Variants in SPG11 observed in about 807,000 individuals in gnomAD.
The protein encoded by SPG11 is spatacsin.
A neutral mutation model predicts 274.0 loss-of-function variants in SPG11; 222 were observed. That is an observed-to-expected ratio of 0.81 (90% CI 0.73 to 0.91). The LOEUF is 0.91. Ranked by LOEUF, SPG11 falls within the 40% of genes least tolerant of loss-of-function variation. The pLI is 0.00. For missense variants in SPG11, 3,114 were observed against 2,872.7 expected, an observed-to-expected ratio of 1.08 and a Z score of -1.92; for synonymous variants, 1,144 against 1,039.7, an observed-to-expected ratio of 1.10 and a Z score of -1.93.
intron 20 of SPG11, among the ~76,000 whole-genome samples, chr15:44,602,463 T>A (rs1463718637): frequency 1.3e-5 from 2 of 151,978 alleles, no homozygotes; most frequent in Non-Finnish European, 2.9e-5. Context: ...CATCTATTGA[T>A]ATGATCATAT....
At chr15:44,587,758 G>A (rs922183445) in intron 28 of SPG11, among the ~76,000 whole-genome samples, 6 of 140,290 alleles carry the variant, frequency 4.3e-5, no homozygotes, top group African/African-American at 8.2e-5. Context: ...TGTTAAATAC[G>A]CACACATAGT....
chr15:44,632,638 T>C (rs1233662441), intron 8 of SPG11, among the ~76,000 whole-genome samples: 1 of 151,986 alleles, frequency 6.6e-6, no homozygotes, highest in Non-Finnish European at 1.5e-5. Flanking sequence ...GCCTTCCAAG[T>C]AGTTGGGACT....
chr15:44,586,197 C>A (rs1157347882), intron 28 of SPG11, among the ~76,000 whole-genome samples: 2 of 151,724 alleles, frequency 1.3e-5, no homozygotes, highest in Non-Finnish European at 2.9e-5. Context: ...GTTGTCCAGG[C>A]TGCTCTCGAC....
chr15:44,591,783 G>A (rs2082904588), intron 27 of SPG11, among the ~76,000 whole-genome samples: 1 of 151,942 alleles, frequency 6.6e-6, no homozygotes, highest in African/African-American at 2.4e-5. Context: ...AACCAGCCTG[G>A]GCAACAAAGC....
At chr15:44,652,315 CA>C (rs1279723056) in intron 4 of SPG11, 49 bp from the exon 5 acceptor site, 2 of 1,599,630 alleles carry the variant, frequency 1.3e-6, no homozygotes, top group Non-Finnish European at 1.7e-6. Flanking sequence ...TGATCAAACC[CA>C]AATTTGTGTT....
chr15:44,625,424 C>T (rs894049706), intron 11 of SPG11, among the ~76,000 whole-genome samples: 3 of 151,958 alleles, frequency 2.0e-5, no homozygotes, highest in African/African-American at 7.3e-5. Context: ...GGGCGGATTT[C>T]CCCCTTGCTG....
chr15:44,591,921 C>T (rs1218045572), intron 27 of SPG11, among the ~76,000 whole-genome samples: 1 of 152,076 alleles, frequency 6.6e-6, no homozygotes, highest in African/African-American at 2.4e-5. Context: ...ACCAGCCTGA[C>T]CAACATGGTG....
intron 3 of SPG11, among the ~76,000 whole-genome samples, chr15:44,658,095 A>G (rs1258365128): frequency 6.6e-6 from 1 of 152,246 alleles, no homozygotes; most frequent in East Asian, 1.9e-4. Flanking sequence ...CCAATTTCAT[A>G]TGCTTAATAG....
At chr15:44,590,883 T>C (rs1426425009) in intron 27 of SPG11, 3 of 152,230 alleles carry the variant, frequency 2.0e-5, no homozygotes, top group African/African-American at 7.2e-5. Flanking sequence ...AAAGTCATTC[T>C]GAAGGTAAGT....
intron 26 of SPG11, among the ~76,000 whole-genome samples, 186 bp from the exon 27 acceptor site, chr15:44,592,624 C>T (rs1211511833): frequency 6.6e-6 from 1 of 151,956 alleles, no homozygotes; most frequent in Admixed American, 6.6e-5. Context: ...TTCGAGACCA[C>T]CCTGGCCAAC....
At chr15:44,645,457 A>G (rs2084578679) in intron 7 of SPG11, among the ~76,000 whole-genome samples, 1 of 152,202 alleles carries the variant, frequency 6.6e-6, no homozygotes. Context: ...TACCACATAC[A>G]AAAATCAACT....
At chr15:44,564,792 CAT>C in intron 38 of SPG11, 94 bp from the exon 39 acceptor site, 1 of 1,308,776 alleles carries the variant, frequency 7.6e-7, no homozygotes. Flanking sequence ...TATACTCACT[CAT>C]GTAGTGAATA....
At chr15:44,582,584 T>C (rs888295983) in intron 30 of SPG11, among the ~76,000 whole-genome samples, 4 of 152,006 alleles carry the variant, frequency 2.6e-5, no homozygotes, top group Non-Finnish European at 5.9e-5. Context: ...AATTACAGAA[T>C]AACATTCCTC....
At position 44,584,067 on chromosome 15, in the gene SPG11, A is replaced by G. The variant is rs146251582; in HGVS notation, c.5613T>C (p.Asp1871=). The G allele has an allele frequency of 4.6e-5, 75 of 1,614,060 alleles. No homozygotes were observed. The highest frequency in any genetic ancestry group is 5.8e-5 in the Non-Finnish European group (69 of 1,180,044). ...PSKETCENRL[D]WKEQESLNFL... ...AGTTTAGTGACTCCTGCTCTTTCCA[A>G]TCCAATCTATTCTCGCATGTCTCTT... Residue 1871 remains aspartate (D), a synonymous_variant, in exon 30 of 40, where the codon GAT becomes GAC. Coordinates refer to ENST00000261866, the MANE Select transcript of SPG11 (RefSeq NM_025137.4).
intron 14 of SPG11, chr15:44,620,618 T>C: frequency 4.0e-6 from 2 of 497,760 alleles, no homozygotes; most frequent in Non-Finnish European, 7.1e-6. Context: ...CGTGGCAGCC[T>C]CGACCTCCTG....
intron 15 of SPG11, among the ~76,000 whole-genome samples, chr15:44,617,913 TG>T: frequency 1.3e-5 from 2 of 152,226 alleles, no homozygotes. Flanking sequence ...TGACCTCAAC[TG>T]ATCTGCCTAC....
intron 11 of SPG11, among the ~76,000 whole-genome samples, chr15:44,625,641 T>C (rs1263449303): frequency 2.0e-5 from 3 of 152,120 alleles, no homozygotes; most frequent in African/African-American, 7.2e-5. Flanking sequence ...AAACCTCTTT[T>C]CTTTCTAAAT....
At chr15:44,602,947 T>C (rs1480090870) in intron 20 of SPG11, among the ~76,000 whole-genome samples, 2 of 152,238 alleles carry the variant, frequency 1.3e-5, no homozygotes, top group South Asian at 4.1e-4. Flanking sequence ...AAGGAGCTTT[T>C]AAATTCATTC....
At chr15:44,587,693 C>CAAAAA (rs34479385) in intron 28 of SPG11, among the ~76,000 whole-genome samples, 1 of 34,052 alleles carries the variant, frequency 2.9e-5, no homozygotes, top group Non-Finnish European at 4.5e-5. Context: ...CAGACTGTCT[C>CAAAAA]AAAAAAAAAA....
Sources: gnomAD v4.1 joint callset for allele counts (sites outside exome capture counted in the v4.1 genomes callset) on GRCh38, gnomAD v4.1.1 for gene constraint, MANE v1.5 for transcripts, NCBI Gene and HGNC (gene_info 2026-07-23, HGNC 2026-07-21) for gene names.